The following GPR139 variants were observed in gnomAD, a reference collection of about 807,000 sequenced individuals.
The protein encoded by GPR139 is G protein-coupled receptor 139, also known as probable G protein-coupled receptor 139.
Under a neutral mutation model 25.8 loss-of-function variants are expected in GPR139, and 12 were observed. The ratio of observed to expected loss-of-function variants is 0.47; its 90% CI spans 0.30 to 0.75. The LOEUF (loss-of-function observed/expected upper bound fraction) is 0.75. GPR139 is among the 30% of genes least tolerant of loss of function. The pLI, the probability that GPR139 is intolerant of heterozygous loss-of-function variation, is 0.07. For synonymous variants in GPR139, 184 were observed against 179.9 expected (o/e 1.02, Z -0.18); for missense variants, 380 against 450.2 (o/e 0.84, Z 1.41).
chr16:20,054,673 TTTCCTTCCTTCCTTC>T (rs546617379), intron 1 of GPR139, among the ~76,000 whole-genome samples: 2 of 150,362 alleles, frequency 1.3e-5, no homozygotes, highest in Admixed American at 6.6e-5. Flanking sequence ...ATTGTACAGA[TTTCCTTCCTTCCTTC>T]TTCCTTCCTT....
intron 1 of GPR139, among the ~76,000 whole-genome samples, chr16:20,053,937 G>C (rs988534976): frequency 2.6e-5 from 4 of 152,044 alleles, no homozygotes; most frequent in Non-Finnish European, 5.9e-5. Flanking sequence ...GAGACGTGGA[G>C]TAATATTTTG....
chr16:20,039,498 CTAATAA>C (rs2057322983), intron 1 of GPR139, among the ~76,000 whole-genome samples: 2 of 152,152 alleles, frequency 1.3e-5, no homozygotes, highest in Non-Finnish European at 2.9e-5. Context: ...ATATCAGTGT[CTAATAA>C]TAATAGTAAT....
intron 1 of GPR139, among the ~76,000 whole-genome samples, chr16:20,058,030 G>A (rs568649123): frequency 1.1e-4 from 17 of 152,126 alleles, no homozygotes; most frequent in Admixed American, 2.6e-4. Flanking sequence ...CAGCCTAAAG[G>A]GCCCAGGGGA....
intron 1 of GPR139, among the ~76,000 whole-genome samples, chr16:20,041,692 C>T (rs114235236): frequency 3.7e-3 from 570 of 152,288 alleles, no homozygotes; most frequent in African/African-American, 0.012. Flanking sequence ...GAAAAAGTTC[C>T]CCAGGGCTGC....
intron 1 of GPR139, among the ~76,000 whole-genome samples, chr16:20,055,820 C>T (rs745309720): frequency 6.6e-6 from 1 of 152,238 alleles, no homozygotes; most frequent in Non-Finnish European, 1.5e-5. Context: ...GGCTCTAGCA[C>T]CTGCTGCCTG....
intron 1 of GPR139, among the ~76,000 whole-genome samples, chr16:20,047,440 G>A (rs72772709): frequency 0.077 from 11,659 of 152,240 alleles, 564 homozygotes; most frequent in Non-Finnish European, 0.11. Flanking sequence ...GCTGACCTGC[G>A]TGTCCTGCAG....
chr16:20,048,575 T>C (rs72772717), intron 1 of GPR139, among the ~76,000 whole-genome samples: 12,367 of 152,306 alleles, frequency 0.081, 590 homozygotes, highest in Non-Finnish European at 0.11. Flanking sequence ...ATGTGGGCAC[T>C]TCCGGTGAGC....
intron 1 of GPR139, among the ~76,000 whole-genome samples, chr16:20,066,437 T>A (rs922422215): frequency 1.3e-5 from 2 of 152,208 alleles, no homozygotes; most frequent in Non-Finnish European, 2.9e-5. Flanking sequence ...GGGGGACAAA[T>A]TCCCTAGGCT....
In GPR139 at chr16:20,062,119, T is replaced by C. The variant is rs552670336; in HGVS notation, c.127+11371A>G. On this transcript the variant is annotated intron_variant, in intron 1 of 1. Transcript: ENST00000570682. ...CCCATCTCTAAATTAAATATACTTT[T>C]AAAAAAGGACATTGTATTAGAACAG... is the stretch of plus-strand genomic sequence containing the variant. Among the ~76,000 whole-genome samples the C allele has an allele frequency of 3.9e-5, 6 of 152,260 alleles. No individual in the cohort carries two copies. In the South Asian group the frequency reaches 1.2e-3, roughly 32 times the overall value.
Position 20,032,603 on chromosome 16 carries a change from T to C in GPR139, c.194A>G (p.Tyr65Cys), listed in dbSNP as rs1421128326. ...VARRQKSSYN[Y>C]LLALAAADIL... ...GTCGGCAGCAGCGAGTGCCAAGAGA[T>C]AGTTGTAGGAGGACTTCTGTCTTCT... Residue 65 changes from tyrosine (Y) to cysteine (C), a missense_variant, in exon 2 of 2, where the codon TAT becomes TGT. Coordinates refer to ENST00000570682, the MANE Select transcript of GPR139 (RefSeq NM_001002911.4). The C allele has an allele frequency of 2.5e-6, 4 of 1,613,814 alleles. No homozygotes were observed. The highest frequency in any genetic ancestry group is 1.3e-5 in the African/African-American group (1 of 75,000).
At chr16:20,064,127 A>C (rs1053775911) in intron 1 of GPR139, among the ~76,000 whole-genome samples, 1 of 152,154 alleles carries the variant, frequency 6.6e-6, no homozygotes, top group African/African-American at 2.4e-5. Flanking sequence ...CCACCAGGTC[A>C]CTCCCTAATC....
intron 1 of GPR139, among the ~76,000 whole-genome samples, chr16:20,066,335 G>T (rs2057433958): frequency 6.6e-6 from 1 of 152,206 alleles, no homozygotes; most frequent in South Asian, 2.1e-4. Flanking sequence ...GGTGGTGTTT[G>T]TCGGTCTCTG....
chr16:20,068,256 A>AAAAAAAAG (rs1555467127), intron 1 of GPR139, among the ~76,000 whole-genome samples: 12 of 137,746 alleles, frequency 8.7e-5, no homozygotes, highest in Middle Eastern at 3.7e-3. Flanking sequence ...AAAAAAAAAA[A>AAAAAAAAG]AAGAAAGGAG....
Position 20,073,564 on chromosome 16 carries a change from G to T in GPR139, c.53C>A (p.Ser18Tyr). The T allele has an allele frequency of 6.2e-7, 1 of 1,612,094 alleles. No individual in the cohort carries two copies. Among genetic ancestry groups the T allele is most frequent in the South Asian group, 1.1e-5 (1 of 90,422 alleles). ...LAANSSLSWWSPGSACGLGFV... is the reference protein window; with the variant it reads ...LAANSSLSWWYPGSACGLGFV... ...ACCCAAGCCGCAGGCCGAGCCGGGG[G>T]ACCACCAAGACAGCGAGCTGTTGGC... The change falls in exon 1 of 2, where the codon TCC (serine) becomes TAC (tyrosine). Residue 18 changes from serine to tyrosine, a missense_variant. Ser to Tyr is a moderately radical substitution (Grantham distance 144). Coordinates refer to ENST00000570682, the MANE Select transcript of GPR139 (RefSeq NM_001002911.4). This position sits in a 1 kb window ranked among gnomAD's most constrained non-coding sequence, Gnocchi z 4.7.
intron 1 of GPR139, among the ~76,000 whole-genome samples, chr16:20,064,635 C>G (rs2057425148): frequency 6.6e-6 from 1 of 152,150 alleles, no homozygotes; most frequent in Admixed American, 6.5e-5. Context: ...GACATTGTGC[C>G]CCAGGCAACC....
intron 1 of GPR139, among the ~76,000 whole-genome samples, chr16:20,035,770 GA>G (rs1249896001): frequency 1.3e-5 from 2 of 152,210 alleles, no homozygotes; most frequent in Admixed American, 1.3e-4. Context: ...CAAATGTTCT[GA>G]GGGGGAGAAG....
At chr16:20,036,914 T>C (rs1655031096) in intron 1 of GPR139, among the ~76,000 whole-genome samples, 1 of 152,214 alleles carries the variant, frequency 6.6e-6, no homozygotes, top group African/African-American at 2.4e-5. Context: ...AAATATTAAC[T>C]GGGCATTGAC....
chr16:20,035,329 G>A (rs370744355), intron 1 of GPR139, among the ~76,000 whole-genome samples: 6 of 152,210 alleles, frequency 3.9e-5, no homozygotes, highest in African/African-American at 1.4e-4. Context: ...AGTGGGCTGG[G>A]GGTACCATGA....
In GPR139 at chr16:20,030,533, A is replaced by G. The variant is rs1022984153; in HGVS notation, c.*1202T>C. On this transcript the variant is annotated 3_prime_UTR_variant, in exon 2 of 2. Transcript: ENST00000570682. ...TTGGACAGGCAAGGGTAGAATAAAT[A>G]AACACACTTATATTTTATCATTTTA... Among the ~76,000 whole-genome samples, 5 of 152,218 alleles carry G rather than the reference A, an allele frequency of 3.3e-5. No individual in the cohort carries two copies. The South Asian group carries it at 8.3e-4, about 25-fold the overall frequency.
Sources: allele counts gnomAD v4.1 joint callset (sites outside exome capture counted in the v4.1 genomes callset), GRCh38; gene constraint gnomAD v4.1.1; non-coding constraint Gnocchi (gnomAD v3.1); transcripts MANE v1.5; gene names NCBI Gene and HGNC (gene_info 2026-07-23, HGNC 2026-07-21).